Variants in CLPX observed in about 807,000 individuals in gnomAD.
CLPX encodes the protein caseinolytic mitochondrial matrix peptidase chaperone subunit X.
In CLPX, 34 loss-of-function variants were observed where a neutral mutation model predicts 76.4. The observed-to-expected ratio is 0.45, with a 90% CI of 0.34 to 0.59. The LOEUF (loss-of-function observed/expected upper bound fraction) is 0.59, where lower values mean the gene tolerates loss of function less well. CLPX is among the 20% of genes least tolerant of loss of function. The pLI is 0.01. For missense variants in CLPX, 613 were observed against 757.0 expected (o/e 0.81, Z 2.23); for synonymous variants, 248 against 270.9 (o/e 0.92, Z 0.83).
In CLPX at chr15:65,151,064, G is replaced by A. The variant is rs755997882; in HGVS notation, c.1812-151C>T. 8.7e-4 allele frequency: 492 copies of A among 562,324 alleles called. 4 individuals are homozygous for A. Among genetic ancestry groups the A allele is most frequent in the Non-Finnish European group, 1.1e-3 (361 of 320,838 alleles). The allele number at this position is 562,324 out of a possible 1,614,324, so 34.8% of individuals were successfully genotyped here. A position where few individuals can be genotyped will look rare whatever the true frequency, so the allele number is the denominator to read the frequency against. ...CACTTTTAATATTAAGACGGCTTAG[G>A]CCGGACACAGTGGCTCACATCTGTA... On this transcript the variant is annotated intron_variant, in intron 13 of 13. Transcript: ENST00000300107.
chr15:65,182,875 A>G (rs1157896443), intron 1 of CLPX, among the ~76,000 whole-genome samples: 1 of 152,258 alleles, frequency 6.6e-6, no homozygotes, highest in Non-Finnish European at 1.5e-5. Context: ...TTAAAAAGAA[A>G]TACTAGTCCG....
At chr15:65,163,078 A>G (rs1393514223) in intron 5 of CLPX, among the ~76,000 whole-genome samples, 2 of 152,152 alleles carry the variant, frequency 1.3e-5, no homozygotes, top group East Asian at 1.9e-4. Context: ...GTTCACGCCT[A>G]TTAATCCCAG....
chr15:65,171,340 G>T (rs1012149047), intron 3 of CLPX, among the ~76,000 whole-genome samples: 4 of 151,822 alleles, frequency 2.6e-5, no homozygotes, highest in African/African-American at 9.7e-5. Flanking sequence ...CTAGCAACTG[G>T]GGAGGCTGAG....
intron 4 of CLPX, among the ~76,000 whole-genome samples, chr15:65,166,357 TCA>T: frequency 6.6e-6 from 1 of 152,142 alleles, no homozygotes; most frequent in Non-Finnish European, 1.5e-5. Context: ...AGATATTATT[TCA>T]GATTAACTTG....
chr15:65,153,497 C>G, intron 12 of CLPX, 50 bp downstream of exon 12: 1 of 1,172,104 alleles, frequency 8.5e-7, no homozygotes, highest in East Asian at 2.4e-5. Context: ...TTAATATACT[C>G]AAAACTCAGA....
In CLPX at chr15:65,153,591, C is replaced by T; in HGVS notation, c.1660G>A (p.Ala554Thr). 1 of 1,600,118 alleles carries T rather than the reference C, an allele frequency of 6.2e-7. No homozygotes were observed. The highest frequency in any genetic ancestry group is 1.4e-5 in the African/African-American group (1 of 74,016). Residue 554 changes from alanine to threonine, a missense_variant, in exon 12 of 14, where the codon GCA becomes ACA. Ala to Thr is a moderately conservative substitution (Grantham distance 58, BLOSUM62 0). This residue lies in a region of CLPX where 450 missense variants were observed against 638.6 expected (regional missense o/e 0.70). Coordinates refer to ENST00000300107, the MANE Select transcript of CLPX (RefSeq NM_006660.5). ...CGTGCACCTGTTTTTCGTTCTAGTG[C>T]CAATCTGGCTATAGCTTTCAAAGCA... The part of the protein sequence containing the change: ...EDALKAIARL[A>T]LERKTGARGL...
intron 13 of CLPX, among the ~76,000 whole-genome samples, 198 bp downstream of exon 13, chr15:65,152,232 G>T (rs1292978654): frequency 6.6e-6 from 1 of 151,858 alleles, no homozygotes; most frequent in Non-Finnish European, 1.5e-5. Flanking sequence ...CCGGCCTGAT[G>T]ATCAACTTTC....
At chr15:65,180,500 A>G (rs1469987470) in intron 1 of CLPX, among the ~76,000 whole-genome samples, 2 of 152,154 alleles carry the variant, frequency 1.3e-5, no homozygotes, top group African/African-American at 4.8e-5. Context: ...GGACTTCAAC[A>G]TCTGCCTCAC....
rs1451136678 is a variant in CLPX, at chr15:65,149,503, C to T, written c.*1320G>A. On this transcript the variant is annotated 3_prime_UTR_variant, in exon 14 of 14. Transcript: ENST00000300107. ...AAAATAAAATAAAATAGATATATAA[C>T]TTTCTGAAGATTTAAGCCAGACTTC... 1 of 400,372 alleles carries T rather than the reference C, an allele frequency of 2.5e-6. No homozygotes were observed. The highest frequency in any genetic ancestry group is 4.8e-6 in the Non-Finnish European group (1 of 206,284). 24.8% of individuals were successfully genotyped at this position (400,372 alleles called of 1,614,324 possible).
chr15:65,155,901 TTA>T, intron 9 of CLPX, 45 bp from the exon 10 acceptor site: 1 of 1,484,838 alleles, frequency 6.7e-7, no homozygotes, highest in Admixed American at 1.8e-5. Context: ...TATAAGCACA[TTA>T]TTTATTATAC....
At chr15:65,154,454 C>A (rs1038691938) in intron 11 of CLPX, among the ~76,000 whole-genome samples, 1 of 152,090 alleles carries the variant, frequency 6.6e-6, no homozygotes, top group Non-Finnish European at 1.5e-5. Context: ...TAAAAATATA[C>A]ACAGTATGTC....
At chr15:65,179,859 A>T (rs1432456014) in intron 2 of CLPX, among the ~76,000 whole-genome samples, 185 bp downstream of exon 2, 2 of 152,222 alleles carry the variant, frequency 1.3e-5, no homozygotes, top group Non-Finnish European at 2.9e-5. Context: ...TACTATGTGC[A>T]ATGCTTATAA....
At chr15:65,181,740 C>A (rs2088175042) in intron 1 of CLPX, among the ~76,000 whole-genome samples, 1 of 144,450 alleles carries the variant, frequency 6.9e-6, no homozygotes, top group Non-Finnish European at 1.5e-5. Flanking sequence ...CGGAGCGAGG[C>A]TCTGTCGCAA....
chr15:65,159,811 CTTTTT>C (rs879755107), intron 6 of CLPX, among the ~76,000 whole-genome samples: 3 of 141,184 alleles, frequency 2.1e-5, no homozygotes, highest in South Asian at 2.3e-4. Context: ...ATTTTCTTTT[CTTTTT>C]TTTTTTTTTA....
Position 65,185,307 on chromosome 15 carries a change from C to CGG in CLPX, c.-155_-154insCC. ...CACCTGCCCGGCAGCCAGGCCTTCA[C>CGG]GCTTCTCTGCCCCACAGCCGTCTAT... On this transcript the variant is annotated 5_prime_UTR_variant, in exon 1 of 14. Transcript: ENST00000300107. 1.6e-6 allele frequency: 1 copy of CGG among 612,960 alleles called. No homozygotes were observed. The highest frequency in any genetic ancestry group is 2.9e-6 in the Non-Finnish European group (1 of 345,830). 38.0% of individuals were successfully genotyped at this position (612,960 alleles called of 1,614,324 possible). A position where few individuals can be genotyped will look rare whatever the true frequency, so the allele number is the denominator to read the frequency against.
chr15:65,161,919 T>G (rs576777597), intron 6 of CLPX, among the ~76,000 whole-genome samples: 1 of 152,344 alleles, frequency 6.6e-6, no homozygotes, highest in African/African-American at 2.4e-5. Flanking sequence ...TGGCTCATCC[T>G]ATATATAGTA....
chr15:65,160,623 T>TCTCTCACACACACACACACACA (rs1219208926), intron 6 of CLPX, among the ~76,000 whole-genome samples: 2 of 100,970 alleles, frequency 2.0e-5, no homozygotes, highest in African/African-American at 7.6e-5. Flanking sequence ...TCTCTCTCTC[T>TCTCTCACACACACACACACACA]CACACACACA....
chr15:65,181,044 C>G (rs908161175), intron 1 of CLPX, among the ~76,000 whole-genome samples: 1 of 151,156 alleles, frequency 6.6e-6, no homozygotes, highest in Non-Finnish European at 1.5e-5. Context: ...ACTAAAAATA[C>G]AAAAATTAGC....
intron 6 of CLPX, among the ~76,000 whole-genome samples, chr15:65,159,781 T>G (rs988044389): frequency 5.3e-5 from 8 of 151,982 alleles, no homozygotes; most frequent in Non-Finnish European, 1.0e-4. Flanking sequence ...CTTGTTTATA[T>G]TTCCTGAATT....
Sources: gnomAD v4.1 joint callset for allele counts (sites outside exome capture counted in the v4.1 genomes callset) on GRCh38, gnomAD v4.1.1 for gene constraint, gnomAD v4.1.1 regional missense constraint, MANE v1.5 for transcripts, NCBI Gene and HGNC (gene_info 2026-07-23, HGNC 2026-07-21) for gene names.